MZT2A: variants seen among roughly 807,000 people sequenced by gnomAD.
MZT2A encodes mitotic-spindle organizing protein 2A.
MZT2A carries 8 observed loss-of-function variants against 12.4 expected under a neutral mutation model. The observed-to-expected ratio is 0.64, with a 90% CI of 0.38 to 1.16. The LOEUF is 1.16. Ranked by LOEUF, MZT2A falls within the 50% of genes most tolerant of loss-of-function variation. MZT2A has a pLI of 0.01. For missense variants in MZT2A, 181 were observed against 223.6 expected (o/e 0.81, Z 1.22); for synonymous variants, 88 against 107.5 (o/e 0.82, Z 1.12).
downstream of MZT2A, among the ~76,000 whole-genome samples, chr2:131,482,038 G>T (rs749183693): frequency 4.1e-4 from 63 of 152,300 alleles, no homozygotes; most frequent in Middle Eastern, 3.4e-3. Context: ...GGACCACTTC[G>T]ACCACTTCCT....
At chr2:131,487,297 T>C (rs559193462) in intron 2 of MZT2A, among the ~76,000 whole-genome samples, 19 of 151,924 alleles carry the variant, frequency 1.3e-4, no homozygotes, top group African/African-American at 4.1e-4. Flanking sequence ...TGGGACAACA[T>C]AGTGAGACCT....
At chr2:131,480,160 G>A (rs769192454), downstream of MZT2A, 16 of 1,613,684 alleles carry the variant, frequency 9.9e-6, no homozygotes, top group African/African-American at 2.7e-5. Context: ...CTCATGGAGC[G>A]GCTCTCAGTG....
At chr2:131,492,549 G>GGC (rs1292670401), upstream of MZT2A, 1 of 1,135,776 alleles carries the variant, frequency 8.8e-7, no homozygotes, top group Non-Finnish European at 1.1e-6. Flanking sequence ...ACAGTTAGTG[G>GGC]GCGCTCACGG....
chr2:131,477,667 G>A (rs1325382670), intron 2 of MZT2A, among the ~76,000 whole-genome samples: 1 of 151,194 alleles, frequency 6.6e-6, no homozygotes, highest in Non-Finnish European at 1.5e-5. Flanking sequence ...GTCAGCCTTC[G>A]AGAGCACAGA....
intron 2 of MZT2A, among the ~76,000 whole-genome samples, chr2:131,475,530 T>C (rs1312899012): frequency 6.6e-6 from 1 of 151,548 alleles, no homozygotes; most frequent in Non-Finnish European, 1.5e-5. Flanking sequence ...GTTTTCACCA[T>C]ATTGGCCAGG....
At chr2:131,475,075 C>T (rs1678612374) in intron 2 of MZT2A, among the ~76,000 whole-genome samples, 3 of 152,124 alleles carry the variant, frequency 2.0e-5, no homozygotes, top group African/African-American at 7.2e-5. Context: ...ATTCTCCTGC[C>T]TCAGCCTCCT....
At chr2:131,481,360 C>A (rs953265604), downstream of MZT2A, among the ~76,000 whole-genome samples, 1 of 152,022 alleles carries the variant, frequency 6.6e-6, no homozygotes, top group African/African-American at 2.4e-5. Context: ...CCTCTGCCTC[C>A]CAGGCTCCAG....
chr2:131,490,757 G>C (rs865801885), intron 2 of MZT2A: 105 of 1,549,592 alleles, frequency 6.8e-5, no homozygotes, highest in Middle Eastern at 5.0e-4. Flanking sequence ...GAGGGAACCC[G>C]GGGGGCCTGG....
At chr2:131,476,207 G>A in intron 2 of MZT2A, 1 of 1,613,978 alleles carries the variant, frequency 6.2e-7, no homozygotes, top group Non-Finnish European at 8.5e-7. Flanking sequence ...GCCATGGTAA[G>A]GCCCGGGTCA....
chr2:131,492,967 G>C (rs1679411552), upstream of MZT2A: 2 of 1,522,274 alleles, frequency 1.3e-6, no homozygotes, highest in South Asian at 2.4e-5. Flanking sequence ...CCGGCCGGCC[G>C]GCCTTCTTCG....
chr2:131,470,267 G>A (rs1704954408), exon 4 of MZT2A: 2 of 924,474 alleles, frequency 2.2e-6, no homozygotes, highest in Non-Finnish European at 3.0e-6. Flanking sequence ...CTCCTGCAGG[G>A]CCAGCTTTTG....
chr2:131,480,906 A>ATTT (rs201314369), downstream of MZT2A, among the ~76,000 whole-genome samples: 1 of 150,218 alleles, frequency 6.7e-6, no homozygotes, highest in African/African-American at 2.5e-5. Context: ...TGATTCAGTG[A>ATTT]TTTCTTTTTT....
intron 2 of MZT2A, chr2:131,472,265 T>G (rs1705004126): frequency 8.7e-7 from 1 of 1,145,068 alleles, no homozygotes; most frequent in South Asian, 1.4e-5. Flanking sequence ...AGCTGACTTA[T>G]TGAAATGATT....
At chr2:131,482,235 AAAG>A (rs757478224), downstream of MZT2A, among the ~76,000 whole-genome samples, 26 of 152,190 alleles carry the variant, frequency 1.7e-4, no homozygotes, top group Admixed American at 3.3e-4. Flanking sequence ...TGTAATCTAC[AAAG>A]AAGACAAGCA....
chr2:131,479,432 A>C, downstream of MZT2A: 1 of 1,614,174 alleles, frequency 6.2e-7, no homozygotes, highest in South Asian at 1.1e-5. Context: ...TTGTTGACCT[A>C]GTCCTGGACC....
chr2:131,478,152 T>C, intron 2 of MZT2A: 1 of 1,610,398 alleles, frequency 6.2e-7, no homozygotes, highest in Middle Eastern at 1.7e-4. Context: ...ACTTTTATGT[T>C]CCTGTTCACA....
At position 131,475,348 on chromosome 2, in the gene MZT2A, A is replaced by G. The variant is rs1476870131; in HGVS notation, c.279-3166T>C. Among the ~76,000 whole-genome samples, 4 of 86,338 alleles carry G rather than the reference A, an allele frequency of 4.6e-5. No individual in the cohort carries two copies. In the East Asian group the frequency reaches 7.7e-3, roughly 165 times the overall value. 56.6% of individuals were successfully genotyped at this position (86,338 alleles called of 152,430 possible). On this transcript the variant is annotated intron_variant and NMD_transcript_variant, in intron 2 of 4. Coordinates refer to the MZT2A transcript ENST00000427024. ...TTTTTTTTTTTTTTTTTTTTTTTGA[A>G]ACGGAGTATGGCTCTGTTGCCCAGG...
chr2:131,469,956 A>ATTT (rs1704948484), intron 4 of MZT2A: 1 of 244,234 alleles, frequency 4.1e-6, no homozygotes, highest in South Asian at 4.8e-5. Context: ...GGCACCCAAT[A>ATTT]CCATGCCTGG....
chr2:131,480,301 T>A, downstream of MZT2A: 1 of 1,613,522 alleles, frequency 6.2e-7, no homozygotes, highest in Non-Finnish European at 8.5e-7. Context: ...TGTGCCTTCA[T>A]GGTCGACAAT....
Sources: allele counts gnomAD v4.1 joint callset (sites outside exome capture counted in the v4.1 genomes callset), GRCh38; gene constraint gnomAD v4.1.1; transcripts MANE v1.5; gene names NCBI Gene and HGNC (gene_info 2026-07-23, HGNC 2026-07-21).